The following ANK2 variants were observed in gnomAD, a reference collection of about 807,000 sequenced individuals.
ANK2 encodes ankyrin-2.
In ANK2, 83 loss-of-function variants were observed where a neutral mutation model predicts 360.5. The ratio of observed to expected loss-of-function variants is 0.23; its 90% CI spans 0.19 to 0.28. The LOEUF is 0.28. Ranked by LOEUF, ANK2 falls within the 10% of genes least tolerant of loss-of-function variation. The pLI is 1.00. For missense variants in ANK2, 4,201 were observed against 4,795.7 expected (o/e 0.88, Z 3.66); for synonymous variants, 1,740 against 1,759.5 (o/e 0.99, Z 0.28).
chr4:113,178,073 G>T (rs2153231281), intron 2 of ANK2, among the ~76,000 whole-genome samples: 1 of 152,130 alleles, frequency 6.6e-6, no homozygotes, highest in South Asian at 2.1e-4. Context: ...TCAATTCCCT[G>T]ACTCGCCAGG....
intron 1 of ANK2, among the ~76,000 whole-genome samples, chr4:112,887,842 G>T (rs929554351): frequency 1.3e-5 from 2 of 152,012 alleles, no homozygotes; most frequent in Admixed American, 6.6e-5. Flanking sequence ...CAGAGACATG[G>T]TTTAATATCC....
chr4:112,914,356 C>T (rs2088911953), intron 2 of ANK2, among the ~76,000 whole-genome samples: 1 of 152,190 alleles, frequency 6.6e-6, no homozygotes, highest in Non-Finnish European at 1.5e-5. Flanking sequence ...CATCGTGGCT[C>T]ACGCCGGTAA....
chr4:112,798,555 G>A, the ANK2 span: 2 of 152,376 alleles, frequency 1.3e-5, no homozygotes, highest in South Asian at 2.1e-4. Flanking sequence ...CAAAGTGCTG[G>A]GATTACAGGC....
Position 112,969,711 on chromosome 4 carries a change from A to T in ANK2, c.21+65197A>T, listed in dbSNP as rs2154265372. On this transcript the variant is annotated intron_variant, in intron 2 of 30. Transcript: ENST00000503271. Reference sequence around the variant, plus strand: ...TCTTGTTTATAGAATATTCATTCTTACATCTAACCCAAATTTGTGCTGTAG... The same window carrying T: ...TCTTGTTTATAGAATATTCATTCTTTCATCTAACCCAAATTTGTGCTGTAG... Among the ~76,000 whole-genome samples, 3 of 152,336 alleles carry T rather than the reference A, an allele frequency of 2.0e-5. No individual in the cohort carries two copies. The Middle Eastern group carries it at 0.01, about 518-fold the overall frequency.
intron 1 of ANK2, among the ~76,000 whole-genome samples, chr4:112,876,944 G>A (rs2075296989): frequency 6.6e-6 from 1 of 152,044 alleles, no homozygotes. Flanking sequence ...AAATGACATG[G>A]AACTGCTTTC....
intron 2 of ANK2, among the ~76,000 whole-genome samples, chr4:112,923,324 G>T (rs2091954678): frequency 6.6e-6 from 1 of 151,962 alleles, no homozygotes; most frequent in African/African-American, 2.4e-5. Context: ...TAAAACATTT[G>T]CCCTAGTAGA....
chr4:113,362,469 G>A (rs2096277944), intron 39 of ANK2, among the ~76,000 whole-genome samples: 2 of 152,066 alleles, frequency 1.3e-5, no homozygotes, highest in African/African-American at 4.8e-5. Flanking sequence ...TACAGAGACA[G>A]GATCATGCTC....
intron 2 of ANK2, among the ~76,000 whole-genome samples, chr4:112,962,371 G>T (rs1309371694): frequency 6.6e-6 from 1 of 152,090 alleles, no homozygotes; most frequent in African/African-American, 2.4e-5. Context: ...CAAGGGACAT[G>T]ATGTTATTCT....
At chr4:113,182,119 T>C (rs931149232) in intron 2 of ANK2, among the ~76,000 whole-genome samples, 2 of 152,082 alleles carry the variant, frequency 1.3e-5, no homozygotes, top group Admixed American at 6.6e-5. Context: ...ATTTCAAAAA[T>C]ACAGCTGATT....
intron 26 of ANK2, among the ~76,000 whole-genome samples, chr4:113,321,660 A>AT (rs1024662667): frequency 7.9e-5 from 12 of 151,926 alleles, no homozygotes; most frequent in African/African-American, 2.7e-4. Flanking sequence ...GCTTTTATTT[A>AT]TTTTTTTTGA....
At position 113,107,002 on chromosome 4, in the gene ANK2, G is replaced by A. The variant is rs141528409; in HGVS notation, c.84+57190G>A. The A allele has an allele frequency of 4.2e-4, 211 of 498,980 alleles. 2 individuals carry two copies. The highest frequency in any genetic ancestry group is 3.9e-3 in the African/African-American group (198 of 50,800). 30.9% of individuals were successfully genotyped at this position (498,980 alleles called of 1,614,324 possible). A position where few individuals can be genotyped will look rare whatever the true frequency, so the allele number is the denominator to read the frequency against. ...GAATTATGCATACTTGGTGTCAAATGGTGATTGTTCTTTGTTGTGTTTTTC... is the reference window on the plus strand; with the variant it reads ...GAATTATGCATACTTGGTGTCAAATAGTGATTGTTCTTTGTTGTGTTTTTC... On this transcript the variant is annotated intron_variant, in intron 1 of 45. Coordinates refer to ENST00000357077, the MANE Select transcript of ANK2 (RefSeq NM_001148.6).
At chr4:112,717,658 AC>A in the ANK2 span, among the ~76,000 whole-genome samples, 2 of 152,202 alleles carry the variant, frequency 1.3e-5, no homozygotes, top group African/African-American at 2.4e-5. Context: ...ACTGAGCTAA[AC>A]ATAATATCTA....
chr4:113,139,507 C>T (rs527275757), intron 1 of ANK2, among the ~76,000 whole-genome samples: 1 of 152,314 alleles, frequency 6.6e-6, no homozygotes, highest in South Asian at 2.1e-4. Flanking sequence ...AGTAGTTCAT[C>T]AGTTTGGGGG....
chr4:113,268,797 T>C (rs1190837653), intron 14 of ANK2, among the ~76,000 whole-genome samples: 1 of 152,178 alleles, frequency 6.6e-6, no homozygotes, highest in Non-Finnish European at 1.5e-5. Context: ...CTTTTTCTGT[T>C]GTTTGGAACA....
intron 13 of ANK2, among the ~76,000 whole-genome samples, 196 bp from the exon 14 acceptor site, chr4:113,264,701 A>C (rs1469076084): frequency 7.0e-6 from 1 of 143,024 alleles, no homozygotes; most frequent in Non-Finnish European, 1.5e-5. Context: ...CAGCCTGAGC[A>C]ACAAGAGTGA....
chr4:113,350,672 AC>A, intron 37 of ANK2: 1 of 179,298 alleles, frequency 5.6e-6, no homozygotes, highest in South Asian at 1.2e-4. Context: ...TGTAGGATAC[AC>A]CTGCAAAAGT....
chr4:112,719,737 A>G, the ANK2 span, among the ~76,000 whole-genome samples: 11 of 151,984 alleles, frequency 7.2e-5, no homozygotes, highest in Non-Finnish European at 1.0e-4. Context: ...AAAAAAAAAA[A>G]AAAAAGAAGG....
chr4:113,280,219 G>A (rs776809310), intron 17 of ANK2, among the ~76,000 whole-genome samples: 26 of 152,118 alleles, frequency 1.7e-4, no homozygotes, highest in Non-Finnish European at 2.9e-4. Context: ...ATTGTAAAAC[G>A]TGTGTTCTCT....
the ANK2 span, among the ~76,000 whole-genome samples, chr4:112,808,058 A>C: frequency 6.6e-6 from 1 of 152,212 alleles, no homozygotes; most frequent in Non-Finnish European, 1.5e-5. Context: ...GTCAGTGAGA[A>C]AGTTCTAGTG....
Sources: gnomAD v4.1 joint callset for allele counts (sites outside exome capture counted in the v4.1 genomes callset) on GRCh38, gnomAD v4.1.1 for gene constraint, MANE v1.5 for transcripts, NCBI Gene and HGNC (gene_info 2026-07-23, HGNC 2026-07-21) for gene names.